PLA2G4A: variants seen among roughly 807,000 people sequenced by gnomAD.
PLA2G4A encodes cytosolic phospholipase A2.
A neutral mutation model predicts 81.9 loss-of-function variants in PLA2G4A; 40 were observed. That is an observed-to-expected ratio of 0.49 (90% CI 0.38 to 0.64). The LOEUF (loss-of-function observed/expected upper bound fraction) is 0.64, where lower values mean the gene tolerates loss of function less well. Among genes scored for constraint, PLA2G4A ranks in the 30% least tolerant of loss-of-function variants. The probability of loss-of-function intolerance (pLI) is 0.00; values close to 1 mark genes in which losing one functional copy is unlikely to be tolerated. For missense variants in PLA2G4A, 715 were observed against 905.1 expected (o/e 0.79, Z 2.69); for synonymous variants, 302 against 296.9 (o/e 1.02, Z -0.18).
intron 2 of PLA2G4A, among the ~76,000 whole-genome samples, chr1:186,857,487 A>G (rs1652630212): frequency 7.3e-6 from 1 of 137,682 alleles, no homozygotes; most frequent in African/African-American, 2.7e-5. Flanking sequence ...TATACAATAT[A>G]TAACATAATA....
intron 15 of PLA2G4A, among the ~76,000 whole-genome samples, chr1:186,971,953 G>C (rs138794251): frequency 4.4e-4 from 67 of 152,090 alleles, no homozygotes; most frequent in African/African-American, 1.4e-3. Flanking sequence ...CAAAATATTA[G>C]AGCATAAATG....
At chr1:186,943,793 C>T (rs902429868) in intron 10 of PLA2G4A, among the ~76,000 whole-genome samples, 1 of 151,894 alleles carries the variant, frequency 6.6e-6, no homozygotes. Flanking sequence ...TTGGAGGCAC[C>T]AATAGTCCCA....
At chr1:186,914,673 A>G (rs935009727) in intron 7 of PLA2G4A, among the ~76,000 whole-genome samples, 4 of 152,226 alleles carry the variant, frequency 2.6e-5, no homozygotes, top group Admixed American at 1.3e-4. Flanking sequence ...TATAGATAAC[A>G]TAACTGATTA....
intron 7 of PLA2G4A, among the ~76,000 whole-genome samples, chr1:186,920,346 G>A (rs1571402203): frequency 6.6e-6 from 1 of 152,170 alleles, no homozygotes; most frequent in Non-Finnish European, 1.5e-5. Context: ...CCACCGAGCA[G>A]GTCCGTGGTA....
chr1:186,919,908 C>T (rs1017148536), intron 7 of PLA2G4A, among the ~76,000 whole-genome samples: 4 of 152,134 alleles, frequency 2.6e-5, no homozygotes, highest in Non-Finnish European at 4.4e-5. Context: ...TCCATGGAGA[C>T]TGGCAAGGAA....
At chr1:186,971,812 A>G (rs966210294) in intron 15 of PLA2G4A, among the ~76,000 whole-genome samples, 4 of 152,048 alleles carry the variant, frequency 2.6e-5, no homozygotes, top group Admixed American at 6.6e-5. Flanking sequence ...AGGAGTCTAC[A>G]TAAAGTTCTT....
At chr1:186,904,980 G>A (rs535931442) in intron 5 of PLA2G4A, among the ~76,000 whole-genome samples, 92 of 152,094 alleles carry the variant, frequency 6.0e-4, no homozygotes, top group African/African-American at 1.9e-3. Flanking sequence ...TCAGCCTCCC[G>A]AGTAGCTGAG....
chr1:186,964,133 G>A (rs78584582), intron 14 of PLA2G4A, among the ~76,000 whole-genome samples: 1,796 of 152,280 alleles, frequency 0.012, 12 homozygotes, highest in Non-Finnish European at 0.018. Flanking sequence ...TATCTGGTGT[G>A]ACCATCTTCA....
rs1453807489 is a variant in PLA2G4A at position 186,949,858 on chromosome 1, CCAAAA to C, written c.1265-798_1265-794del. 1.5e-3 allele frequency among the ~76,000 whole-genome samples: 18 copies of C among 11,650 alleles called. No homozygotes were observed. The Admixed American group carries it at 0.018, about 11-fold the overall frequency. 7.6% of individuals were successfully genotyped at this position (11,650 alleles called of 152,430 possible). Reference sequence around the variant, plus strand: ...GCAATAGAGTGAGACTTCATTTCTACCAAAAAAAAAAAAAAAAAATTAAAAAAATT... The same window carrying C: ...GCAATAGAGTGAGACTTCATTTCTACAAAAAAAAAAAAAATTAAAAAAATT... On this transcript the variant is annotated intron_variant, in intron 12 of 17. Transcript: ENST00000367466.
intron 17 of PLA2G4A, among the ~76,000 whole-genome samples, chr1:186,986,764 A>C (rs1009539687): frequency 5.9e-5 from 9 of 152,238 alleles, no homozygotes; most frequent in African/African-American, 2.2e-4. Flanking sequence ...TTCCATTTTA[A>C]AGAAGAAGAA....
At chr1:186,958,547 T>A (rs1043622709) in intron 14 of PLA2G4A, among the ~76,000 whole-genome samples, 1 of 152,224 alleles carries the variant, frequency 6.6e-6, no homozygotes, top group African/African-American at 2.4e-5. Context: ...TCAAAGGAGA[T>A]AATTCTGTCA....
At chr1:186,845,410 G>A (rs1448897954) in intron 1 of PLA2G4A, among the ~76,000 whole-genome samples, 1 of 152,056 alleles carries the variant, frequency 6.6e-6, no homozygotes, top group Non-Finnish European at 1.5e-5. Flanking sequence ...CACTGTCTCT[G>A]TGAGGATTAG....
chr1:186,893,918 CAAAAAA>C (rs35114616), intron 4 of PLA2G4A, among the ~76,000 whole-genome samples, 174 bp from the exon 5 acceptor site: 1 of 118,292 alleles, frequency 8.5e-6, no homozygotes, highest in Non-Finnish European at 1.7e-5. Flanking sequence ...GACCCTGTCT[CAAAAAA>C]AAAAAAAAAA....
intron 13 of PLA2G4A, among the ~76,000 whole-genome samples, chr1:186,953,499 C>G (rs972620229): frequency 3.3e-5 from 5 of 152,020 alleles, no homozygotes; most frequent in African/African-American, 1.2e-4. Context: ...CAAATAATTT[C>G]TTTCAATCTG....
rs569362185 is a variant in PLA2G4A, at chr1:186,842,561, C to T, written c.-69-11725C>T. On this transcript the variant is annotated intron_variant, in intron 1 of 17. Coordinates refer to ENST00000367466, the MANE Select transcript of PLA2G4A (RefSeq NM_024420.3). ...AATGTAAAAGTATTTGGGGATAAGT[C>T]CTCATTAAATTGAAAGGAGGCTGGT... Among the ~76,000 whole-genome samples, 13 of 152,226 alleles carry T rather than the reference C, an allele frequency of 8.5e-5. No homozygotes were observed. In the South Asian group the frequency reaches 2.5e-3, roughly 29 times the overall value.
chr1:186,887,348 T>C (rs1273654923), intron 3 of PLA2G4A, among the ~76,000 whole-genome samples: 1 of 152,154 alleles, frequency 6.6e-6, no homozygotes, highest in Non-Finnish European at 1.5e-5. Context: ...AATCACATGA[T>C]ATATTACTTG....
At chr1:186,889,976 A>G (rs1439324025) in intron 3 of PLA2G4A, among the ~76,000 whole-genome samples, 1 of 152,156 alleles carries the variant, frequency 6.6e-6, no homozygotes, top group Non-Finnish European at 1.5e-5. Flanking sequence ...CTTATTAGCT[A>G]TGTGATATTG....
intron 8 of PLA2G4A, among the ~76,000 whole-genome samples, chr1:186,937,464 T>G (rs1655993608): frequency 1.3e-5 from 2 of 152,044 alleles, no homozygotes; most frequent in African/African-American, 4.8e-5. Flanking sequence ...ATTTCGTGAT[T>G]ATACTAAGTT....
At chr1:186,937,750 G>T (rs1028904114) in intron 8 of PLA2G4A, among the ~76,000 whole-genome samples, 1 of 151,550 alleles carries the variant, frequency 6.6e-6, no homozygotes, top group East Asian at 1.9e-4. Context: ...ATAGCCTACT[G>T]GGGAGAGGAT....
Sources: gnomAD v4.1 joint callset for allele counts (sites outside exome capture counted in the v4.1 genomes callset) on GRCh38, gnomAD v4.1.1 for gene constraint, MANE v1.5 for transcripts, NCBI Gene and HGNC (gene_info 2026-07-23, HGNC 2026-07-21) for gene names.